The following AHNAK variants were observed in gnomAD, a reference collection of about 807,000 sequenced individuals.
AHNAK encodes the protein AHNAK nucleoprotein, also known as neuroblast differentiation-associated protein AHNAK.
In AHNAK, 23 loss-of-function variants were observed where a neutral mutation model predicts 37.8. That is an observed-to-expected ratio of 0.61 (90% CI 0.44 to 0.86). The LOEUF is 0.86. AHNAK is among the 40% of genes least tolerant of loss of function. The pLI, the probability that AHNAK is intolerant of heterozygous loss-of-function variation, is 0.00. For synonymous variants in AHNAK, 2,481 were observed against 2,636.3 expected (o/e 0.94, Z 1.80); for missense variants, 7,411 against 7,319.4 (o/e 1.01, Z -0.46).
rs1316259366 is a variant in AHNAK at position 62,518,092 on chromosome 11, A to G, written c.16325T>C (p.Leu5442Pro). 1.2e-6 allele frequency: 2 copies of G among 1,614,038 alleles called. No individual in the cohort carries two copies. Among genetic ancestry groups the G allele is most frequent in the Non-Finnish European group, 1.7e-6 (2 of 1,180,036 alleles). Residue 5442 changes from leucine to proline, a missense_variant, in exon 5 of 5, where the codon CTG becomes CCG. Physicochemically the swap from Leu to Pro is moderately conservative, Grantham distance 98. Coordinates refer to ENST00000378024, the MANE Select transcript of AHNAK (RefSeq NM_001620.3). ...CGGTGCTGAAATCCGAGGCCCTTTC[A>G]GGTTCACATCCACACCTGGCCCCTT... ...ELKGPGVDVN[L>P]KGPRISAPNV...
rs1215832039 is a variant in AHNAK at position 62,521,165 on chromosome 11, C to T, written c.13252G>A (p.Glu4418Lys). 2 of 1,614,078 alleles carry T rather than the reference C, an allele frequency of 1.2e-6. No individual in the cohort carries two copies. The highest frequency in any genetic ancestry group is 2.2e-5 in the South Asian group (2 of 91,068). ...PKVEGDLKGP[E>K]IDIKGPSLDI... ...AAACTGGGGCCTTTTATGTCAATTT[C>T]AGGGCCCTTGAGATCACCTTCCACT... The change falls in exon 5 of 5, where the codon GAA becomes AAA. Residue 4418 changes from glutamate to lysine, a missense_variant. Physicochemically the swap from Glu to Lys is moderately conservative, Grantham distance 56 (BLOSUM62 1). Transcript: ENST00000378024.
chr11:62,530,377 T>A lies in AHNAK; in HGVS notation c.4040A>T (p.Glu1347Val). ...LKGDVDVSLP[E>V]VEGEMKVPDV... ...TGGCACTTTCATTTCACCTTCTACC[T>A]CAGGCAAGGACACATCCACATCTCC... Residue 1347 changes from glutamate to valine, a missense_variant, in exon 5 of 5, where the codon GAG becomes GTG. By Grantham distance (121) the Glu-to-Val change is moderately radical (BLOSUM62 -2). Coordinates refer to ENST00000378024, the MANE Select transcript of AHNAK (RefSeq NM_001620.3). 6.2e-7 allele frequency: 1 copy of A among 1,614,086 alleles called. No homozygotes were observed. The highest frequency in any genetic ancestry group is 8.5e-7 in the Non-Finnish European group (1 of 1,180,030).
intron 5 of AHNAK, among the ~76,000 whole-genome samples, chr11:62,437,844 C>T (rs562540631): frequency 6.6e-6 from 1 of 152,286 alleles, no homozygotes; most frequent in East Asian, 1.9e-4. Flanking sequence ...TCAGTCTTTT[C>T]ATTTTAGCTA....
chr11:62,475,542 A>C (rs926710814), intron 5 of AHNAK, among the ~76,000 whole-genome samples: 15 of 150,396 alleles, frequency 1.0e-4, no homozygotes, highest in African/African-American at 3.7e-4. Flanking sequence ...GCACTTTTGC[A>C]TTGTTGAAAT....
Position 62,523,546 on chromosome 11 carries a change from A to G in AHNAK, c.10871T>C (p.Val3624Ala), listed in dbSNP as rs1565231167. Residue 3624 changes from valine (V) to alanine (A), a missense_variant, in exon 5 of 5, where the codon GTT becomes GCT. By Grantham distance (64) the Val-to-Ala change is moderately conservative. Coordinates refer to ENST00000378024, the MANE Select transcript of AHNAK (RefSeq NM_001620.3). ...GFKGEGPEVDVTLPKADIDIS... is the reference protein window; with the variant it reads ...GFKGEGPEVDATLPKADIDIS... ...GTCAATGTCAGCTTTAGGGAGGGTA[A>G]CATCGACTTCAGGGCCTTCTCCTTT... The G allele has an allele frequency of 1.9e-6, 3 of 1,613,936 alleles. No homozygotes were observed. The highest frequency in any genetic ancestry group is 2.7e-5 in the African/African-American group (2 of 74,872).
Position 62,516,047 on chromosome 11 carries a change from G to C in AHNAK, c.*697C>G, listed in dbSNP as rs765042277. ...TCAGAACTAATATCAGGAACATGGC[G>C]GCATGAAGGAAACAGTTCCCTTACA... On this transcript the variant is annotated 3_prime_UTR_variant, in exon 5 of 5. Transcript: ENST00000378024. 8.4e-7 allele frequency: 1 copy of C among 1,188,170 alleles called. No homozygotes were observed. Among genetic ancestry groups the C allele is most frequent in the African/African-American group, 1.6e-5 (1 of 62,524 alleles). The allele number at this position is 1,188,170 out of a possible 1,614,324, so 73.6% of individuals were successfully genotyped here.
At chr11:62,544,957 G>A (rs1208498328) in intron 1 of AHNAK, among the ~76,000 whole-genome samples, 2 of 152,170 alleles carry the variant, frequency 1.3e-5, no homozygotes, top group African/African-American at 4.8e-5. Flanking sequence ...CAGAGAGCAG[G>A]AGCCCTGCAA....
rs1246747967 is a variant in AHNAK at position 62,525,908 on chromosome 11, T to C, written c.8509A>G (p.Met2837Val). Residue 2837 changes from methionine to valine, a missense_variant, in exon 5 of 5, where the codon ATG (methionine) becomes GTG (valine). By Grantham distance (21) the Met-to-Val change is conservative (BLOSUM62 1). Transcript: ENST00000378024. The stretch of plus-strand genomic sequence containing the variant: ...GTGAGATTCAGGTCAATATCTGGCA[T>C]GGATATCTTTGGAGTCTTAAAATGC... ...EMHFKTPKIS[M>V]PDIDLNLTGP... 6.2e-7 allele frequency: 1 copy of C among 1,614,216 alleles called. No individual in the cohort carries two copies. Among genetic ancestry groups the C allele is most frequent in the East Asian group, 2.2e-5 (1 of 44,888 alleles).
chr11:62,466,347 A>G (rs370271969), intron 5 of AHNAK, among the ~76,000 whole-genome samples: 1 of 151,926 alleles, frequency 6.6e-6, no homozygotes, highest in African/African-American at 2.4e-5. Flanking sequence ...TTTTAATTAT[A>G]TCTCTAGCTT....
rs374946480 is a variant in AHNAK, at chr11:62,530,722, T to G, written c.3695A>C (p.Lys1232Thr). 30 of 1,613,454 alleles carry G rather than the reference T, an allele frequency of 1.9e-5. No homozygotes were observed. Among genetic ancestry groups the G allele is most frequent in the Middle Eastern group, 1.6e-4 (1 of 6,082 alleles). The change falls in exon 5 of 5, where the codon AAA becomes ACA. Residue 1232 changes from lysine to threonine, a missense_variant. Lys to Thr is a moderately conservative substitution (Grantham distance 78, BLOSUM62 -1). Coordinates refer to ENST00000378024, the MANE Select transcript of AHNAK (RefSeq NM_001620.3). ...GEMKVPDVEI[K>T]GPKMDIDAPD... ...GGCATCAATGTCCATTTTGGGTCCT[T>G]TGATTTCAACATCTGGCACTTTCAT...
At chr11:62,433,860 G>A in exon 6 of AHNAK, 2 of 1,613,814 alleles carry the variant, frequency 1.2e-6, no homozygotes, top group Non-Finnish European at 1.7e-6. Flanking sequence ...CCTTAAGAGG[G>A]GGTGGTTTTC....
rs371564258 is a variant in AHNAK, at chr11:62,518,001, T to C, written c.16416A>G (p.Lys5472=). 14 of 1,614,210 alleles carry C rather than the reference T, an allele frequency of 8.7e-6. No individual in the cohort carries two copies. Among genetic ancestry groups the C allele is most frequent in the Non-Finnish European group, 1.1e-5 (13 of 1,180,040 alleles). ...KGSLGATGEI[K]GPTVGGGLPG... is the part of the protein sequence containing the mutation. Reference sequence around the variant, plus strand: ...GAAGACCTCCTCCGACAGTGGGGCCTTTGATCTCACCAGTGGCCCCAAGGC... The same window carrying C: ...GAAGACCTCCTCCGACAGTGGGGCCCTTGATCTCACCAGTGGCCCCAAGGC... The change falls in exon 5 of 5, where the codon AAA becomes AAG. Residue 5472 remains lysine (K), a synonymous_variant. Coordinates refer to ENST00000378024, the MANE Select transcript of AHNAK (RefSeq NM_001620.3).
chr11:62,543,084 C>T (rs145704110), intron 1 of AHNAK, among the ~76,000 whole-genome samples: 1 of 152,286 alleles, frequency 6.6e-6, no homozygotes, highest in Non-Finnish European at 1.5e-5. Flanking sequence ...AACCTCCGCT[C>T]CAGCCCCCGG....
intron 5 of AHNAK, among the ~76,000 whole-genome samples, chr11:62,478,662 C>T (rs117542514): frequency 0.014 from 2,140 of 148,158 alleles, 19 homozygotes; most frequent in Non-Finnish European, 0.021. Flanking sequence ...GTGCGAGGAT[C>T]GCTTGAACCC....
At chr11:62,459,093 T>G (rs1938729781) in intron 5 of AHNAK, among the ~76,000 whole-genome samples, 1 of 151,926 alleles carries the variant, frequency 6.6e-6, no homozygotes, top group South Asian at 2.1e-4. Flanking sequence ...CCAGCACCTC[T>G]CCAAACTCCC....
At chr11:62,436,551 A>G (rs1938175790) in intron 5 of AHNAK, among the ~76,000 whole-genome samples, 1 of 152,054 alleles carries the variant, frequency 6.6e-6, no homozygotes, top group Non-Finnish European at 1.5e-5. Context: ...ATCTCTATAA[A>G]GCAACCAGGC....
rs1486351304 is a variant in AHNAK, at chr11:62,527,939, G to T, written c.6478C>A (p.Leu2160Met). The T allele has an allele frequency of 6.2e-7, 1 of 1,611,956 alleles. No individual in the cohort carries two copies. The highest frequency in any genetic ancestry group is 1.1e-5 in the South Asian group (1 of 91,010). Reference sequence around the variant, plus strand: ...TTCAACTTTGCATCAGGACACTCCAGCTCAACATCAGGCACCTCCACATCC... The same window carrying T: ...TTCAACTTTGCATCAGGACACTCCATCTCAACATCAGGCACCTCCACATCC... Reference protein sequence around the residue: ...SVDVEVPDVELECPDAKLKGP... With the variant: ...SVDVEVPDVEMECPDAKLKGP... The change falls in exon 5 of 5, where the codon CTG becomes ATG. Residue 2160 changes from leucine to methionine, a missense_variant. Physicochemically the swap from Leu to Met is conservative, Grantham distance 15 (BLOSUM62 2). Transcript: ENST00000378024.
Position 62,456,826 on chromosome 11 carries a change from G to A in AHNAK, c.443-22935C>T, listed in dbSNP as rs868443709. 2.6e-5 allele frequency among the ~76,000 whole-genome samples: 4 copies of A among 152,206 alleles called. No individual in the cohort carries two copies. In the South Asian group the frequency reaches 6.2e-4, roughly 24 times the overall value. On this transcript the variant is annotated intron_variant, in intron 5 of 5. Transcript: ENST00000257247. ...GAGTCTGGAGCAGGTGGTTCAGAGA[G>A]TCATCATTCCTTTCCTTTCTTCTCC...
intron 4 of AHNAK, among the ~76,000 whole-genome samples, chr11:62,508,191 TC>T (rs1231610529): frequency 7.9e-5 from 12 of 152,180 alleles, no homozygotes; most frequent in African/African-American, 2.9e-4. Flanking sequence ...ATCCTCTATT[TC>T]CTAAAATTCC....
Sources: gnomAD v4.1 joint callset for allele counts (sites outside exome capture counted in the v4.1 genomes callset) on GRCh38, gnomAD v4.1.1 for gene constraint, MANE v1.5 for transcripts, NCBI Gene and HGNC (gene_info 2026-07-23, HGNC 2026-07-21) for gene names.